RARB: variants seen among roughly 807,000 people sequenced by gnomAD.
RARB encodes retinoic acid receptor beta.
A neutral mutation model predicts 51.9 loss-of-function variants in RARB; 17 were observed. The observed-to-expected ratio is 0.33, with a 90% confidence interval of 0.22 to 0.49. The LOEUF (loss-of-function observed/expected upper bound fraction) is 0.49. RARB is among the 20% of genes least tolerant of loss of function. The pLI is 0.99. For synonymous variants in RARB, 215 were observed against 195.4 expected (o/e 1.10, Z -0.84); for missense variants, 369 against 550.8 (o/e 0.67, Z 3.30).
At chr3:25,032,450 A>G (rs1361395484) in intron 2 of RARB, among the ~76,000 whole-genome samples, 2 of 152,218 alleles carry the variant, frequency 1.3e-5, no homozygotes, top group Non-Finnish European at 2.9e-5. Flanking sequence ...TGGTTTATAA[A>G]GTTAATTCCA....
At chr3:24,880,084 T>G (rs1295742597) in intron 2 of RARB, among the ~76,000 whole-genome samples, 3 of 152,168 alleles carry the variant, frequency 2.0e-5, no homozygotes, top group Non-Finnish European at 4.4e-5. Context: ...CTCTATTTTT[T>G]GCTTTCTTGC....
At chr3:25,005,855 A>G (rs1194921237) in intron 2 of RARB, among the ~76,000 whole-genome samples, 6 of 152,100 alleles carry the variant, frequency 3.9e-5, no homozygotes, top group Non-Finnish European at 8.8e-5. Context: ...ATGGTTTTCT[A>G]TTTCACTTAG....
intron 2 of RARB, among the ~76,000 whole-genome samples, chr3:24,939,341 G>C (rs1695611059): frequency 6.6e-6 from 1 of 152,154 alleles, no homozygotes; most frequent in East Asian, 1.9e-4. Context: ...TGTAGAAATG[G>C]AATGCTGGAT....
intron 5 of RARB, among the ~76,000 whole-genome samples, chr3:25,283,225 C>A (rs1202778878): frequency 1.3e-5 from 2 of 152,176 alleles, no homozygotes; most frequent in Non-Finnish European, 1.5e-5. Flanking sequence ...GAAGCTCTGT[C>A]CTCTCTTAGA....
intron 2 of RARB, among the ~76,000 whole-genome samples, chr3:24,891,909 G>T (rs1381730087): frequency 6.6e-6 from 1 of 152,094 alleles, no homozygotes; most frequent in East Asian, 1.9e-4. Flanking sequence ...AGCCCCCCTT[G>T]ATTCTGGAGC....
chr3:25,372,578 T>C (rs936768056), intron 5 of RARB, among the ~76,000 whole-genome samples: 1 of 152,116 alleles, frequency 6.6e-6, no homozygotes, highest in Non-Finnish European at 1.5e-5. Flanking sequence ...TCCCAGCACT[T>C]TGGGAGGCTG....
At chr3:25,351,341 C>G (rs761447878) in intron 5 of RARB, among the ~76,000 whole-genome samples, 4 of 151,746 alleles carry the variant, frequency 2.6e-5, no homozygotes, top group Non-Finnish European at 5.9e-5. Context: ...TTTGAAAATT[C>G]GGTATAATTT....
chr3:25,469,460 C>A (rs763528512), intron 2 of RARB, among the ~76,000 whole-genome samples: 2 of 152,082 alleles, frequency 1.3e-5, no homozygotes, highest in African/African-American at 2.4e-5. Flanking sequence ...AATAACATAT[C>A]CAAAACAATA....
chr3:24,927,381 A>T (rs552642654), intron 2 of RARB, among the ~76,000 whole-genome samples: 1 of 152,254 alleles, frequency 6.6e-6, no homozygotes, highest in African/African-American at 2.4e-5. Context: ...AAGAAGCTAC[A>T]AATAATGAAT....
intron 5 of RARB, among the ~76,000 whole-genome samples, chr3:25,292,100 T>G (rs965055363): frequency 6.6e-6 from 1 of 151,922 alleles, no homozygotes; most frequent in African/African-American, 2.4e-5. Flanking sequence ...AAACTCCCCA[T>G]CCTTTTCTTG....
intron 3 of RARB, among the ~76,000 whole-genome samples, chr3:25,508,891 AT>A (rs940354267): frequency 8.0e-6 from 1 of 124,604 alleles, no homozygotes; most frequent in African/African-American, 4.1e-5. Context: ...TGTTTAGGAG[AT>A]TTAAAAAAAA....
At chr3:25,258,848 T>A (rs1400719378) in intron 5 of RARB, among the ~76,000 whole-genome samples, 1 of 152,056 alleles carries the variant, frequency 6.6e-6, no homozygotes, top group African/African-American at 2.4e-5. Flanking sequence ...CTTGCAATAA[T>A]TAATTCAGTC....
At chr3:24,907,692 T>C (rs1694895856) in intron 2 of RARB, among the ~76,000 whole-genome samples, 1 of 152,076 alleles carries the variant, frequency 6.6e-6, no homozygotes, top group African/African-American at 2.4e-5. Flanking sequence ...TTGAACACTT[T>C]TACCCAAAGT....
intron 2 of RARB, among the ~76,000 whole-genome samples, chr3:25,492,677 A>G (rs1696798413): frequency 6.6e-6 from 1 of 151,866 alleles, no homozygotes; most frequent in Admixed American, 6.6e-5. Context: ...GATTAGCTTT[A>G]CAGTGATGAT....
At chr3:24,975,578 T>C (rs1395031584) in intron 2 of RARB, among the ~76,000 whole-genome samples, 3 of 152,162 alleles carry the variant, frequency 2.0e-5, no homozygotes, top group South Asian at 4.1e-4. Flanking sequence ...TCCCCTATTA[T>C]ACAGGATGAG....
At chr3:25,408,019 C>T (rs780147085) in intron 5 of RARB, among the ~76,000 whole-genome samples, 21 of 152,180 alleles carry the variant, frequency 1.4e-4, no homozygotes, top group Non-Finnish European at 2.4e-4. Context: ...TTTACTGTCT[C>T]ATTTCCCCAC....
chr3:24,876,558 T>C (rs957082834), intron 2 of RARB, among the ~76,000 whole-genome samples: 1 of 152,156 alleles, frequency 6.6e-6, no homozygotes, highest in African/African-American at 2.4e-5. Flanking sequence ...CATATTAGCA[T>C]TTAATATTTT....
At chr3:24,938,915 G>A (rs1441484353) in intron 2 of RARB, among the ~76,000 whole-genome samples, 1 of 151,950 alleles carries the variant, frequency 6.6e-6, no homozygotes, top group African/African-American at 2.4e-5. Flanking sequence ...TTTTTAAGGC[G>A]AATAATATGC....
chr3:25,207,594 A>G (rs748289853), intron 5 of RARB, among the ~76,000 whole-genome samples: 1 of 152,214 alleles, frequency 6.6e-6, no homozygotes, highest in Non-Finnish European at 1.5e-5. Flanking sequence ...CATTTTTTCT[A>G]TACTAAATGT....
Sources: allele counts gnomAD v4.1 joint callset (sites outside exome capture counted in the v4.1 genomes callset), GRCh38; gene constraint gnomAD v4.1.1; transcripts MANE v1.5; gene names NCBI Gene and HGNC (gene_info 2026-07-23, HGNC 2026-07-21).